The following ENOX1 variants were observed in gnomAD, a reference collection of about 807,000 sequenced individuals.
ENOX1 encodes the protein candidate growth-related and time keeping constitutive hydroquinone (NADH) oxidase.
A neutral mutation model predicts 82.5 loss-of-function variants in ENOX1; 42 were observed. The ratio of observed to expected loss-of-function variants is 0.51; its 90% CI spans 0.40 to 0.66. The LOEUF is 0.66. Ranked by LOEUF, ENOX1 falls within the 30% of genes least tolerant of loss-of-function variation. ENOX1 has a pLI of 0.00. For missense variants in ENOX1, 608 were observed against 811.6 expected (o/e 0.75, Z 3.05); for synonymous variants, 271 against 282.2 (o/e 0.96, Z 0.40).
intron 5 of ENOX1, among the ~76,000 whole-genome samples, chr13:43,380,156 A>G (rs1566078223): frequency 6.6e-6 from 1 of 151,916 alleles, no homozygotes; most frequent in African/African-American, 2.4e-5. Context: ...TACTATAAGA[A>G]ATATTAAAAA....
chr13:43,230,674 G>A (rs751835388), intron 15 of ENOX1, among the ~76,000 whole-genome samples: 72 of 152,074 alleles, frequency 4.7e-4, no homozygotes, highest in Non-Finnish European at 7.9e-4. Context: ...ATTACCCGGT[G>A]GATGAAATGC....
chr13:43,383,359 G>A (rs879700924), intron 5 of ENOX1, among the ~76,000 whole-genome samples: 4 of 152,046 alleles, frequency 2.6e-5, no homozygotes, highest in Admixed American at 6.6e-5. Context: ...TCAACTTCAC[G>A]GTAATAATGA....
At chr13:43,321,978 A>C (rs999708755) in intron 11 of ENOX1, among the ~76,000 whole-genome samples, 2 of 152,216 alleles carry the variant, frequency 1.3e-5, no homozygotes, top group African/African-American at 4.8e-5. Context: ...TGGGAAAAGA[A>C]GTCTAATTCT....
chr13:43,673,493 T>C (rs2085364097), intron 1 of ENOX1, among the ~76,000 whole-genome samples: 1 of 152,230 alleles, frequency 6.6e-6, no homozygotes, highest in African/African-American at 2.4e-5. Flanking sequence ...CAGTCGTTCA[T>C]GAATAAAGCC....
At chr13:43,576,078 A>G (rs965676225) in intron 2 of ENOX1, among the ~76,000 whole-genome samples, 1 of 152,244 alleles carries the variant, frequency 6.6e-6, no homozygotes, top group African/African-American at 2.4e-5. Context: ...ACAACTCAGG[A>G]AGAAATGTTA....
chr13:43,644,100 A>C (rs949304079), intron 2 of ENOX1, among the ~76,000 whole-genome samples: 1 of 152,204 alleles, frequency 6.6e-6, no homozygotes, highest in Admixed American at 6.5e-5. Flanking sequence ...GTTTTAAAAT[A>C]TTCAGTTCCC....
At chr13:43,409,828 A>G (rs2153597601) in intron 5 of ENOX1, among the ~76,000 whole-genome samples, 1 of 152,354 alleles carries the variant, frequency 6.6e-6, no homozygotes, top group Non-Finnish European at 1.5e-5. Flanking sequence ...AAAATAAATA[A>G]GCACTAACCA....
At chr13:43,734,089 C>T (rs2089485158) in intron 1 of ENOX1, among the ~76,000 whole-genome samples, 1 of 152,196 alleles carries the variant, frequency 6.6e-6, no homozygotes, top group African/African-American at 2.4e-5. Context: ...TCGGACAAAA[C>T]ACCAGAAACA....
chr13:43,682,639 C>T (rs1172846672), intron 1 of ENOX1, among the ~76,000 whole-genome samples: 2 of 152,026 alleles, frequency 1.3e-5, no homozygotes, highest in African/African-American at 4.8e-5. Context: ...AAATTAAACA[C>T]TCAAAGCTCA....
chr13:43,461,591 A>G (rs1040313052), intron 3 of ENOX1, among the ~76,000 whole-genome samples: 1 of 152,220 alleles, frequency 6.6e-6, no homozygotes, highest in Non-Finnish European at 1.5e-5. Context: ...CCCACCGCCA[A>G]CCAAGGAGGA....
chr13:43,459,461 A>C (rs567693016), intron 3 of ENOX1: 2 of 152,244 alleles, frequency 1.3e-5, no homozygotes, highest in African/African-American at 2.4e-5. Flanking sequence ...TGCTATCATT[A>C]TACAATAAAC....
intron 2 of ENOX1, among the ~76,000 whole-genome samples, chr13:43,637,036 T>C (rs1398571507): frequency 6.6e-5 from 10 of 152,126 alleles, no homozygotes; most frequent in Non-Finnish European, 1.3e-4. Flanking sequence ...TCAGGATTGG[T>C]GAGATGACAG....
chr13:43,315,275 G>C (rs1008916186), intron 11 of ENOX1, among the ~76,000 whole-genome samples: 2 of 152,152 alleles, frequency 1.3e-5, no homozygotes, highest in African/African-American at 4.8e-5. Context: ...CATGCTGCTA[G>C]AGCGCAATGA....
At position 43,304,900 on chromosome 13, in the gene ENOX1, T is replaced by G. The variant is rs192770705; in HGVS notation, c.1262-6370A>C. 2.2e-3 allele frequency among the ~76,000 whole-genome samples: 334 copies of G among 152,352 alleles called. 1 individual carries two copies. Among genetic ancestry groups the G allele is most frequent in the African/African-American group, 7.5e-3 (313 of 41,578 alleles). Reference sequence around the variant, plus strand: ...TATGAGACTATTCACCCCATCCATCTGAACTCACCTATGTTTGATTTTTAA... The same window carrying G: ...TATGAGACTATTCACCCCATCCATCGGAACTCACCTATGTTTGATTTTTAA... On this transcript the variant is annotated intron_variant, in intron 11 of 16. Transcript: ENST00000690772.
intron 1 of ENOX1, among the ~76,000 whole-genome samples, chr13:43,745,405 G>A (rs576988478): frequency 5.5e-4 from 83 of 152,050 alleles, no homozygotes; most frequent in Non-Finnish European, 8.2e-4. Context: ...GCCAAAAACT[G>A]GAAGGGAATA....
intron 15 of ENOX1, among the ~76,000 whole-genome samples, chr13:43,227,185 G>A (rs183432780): frequency 4.9e-4 from 74 of 152,194 alleles, no homozygotes; most frequent in Middle Eastern, 3.4e-3. Flanking sequence ...TGTTGACATG[G>A]GTCATTTAGG....
intron 11 of ENOX1, among the ~76,000 whole-genome samples, chr13:43,312,306 A>C: frequency 6.6e-6 from 1 of 152,222 alleles, no homozygotes. Context: ...GGCACATCTC[A>C]TAAAGAAAAG....
chr13:43,611,888 C>T (rs762909124), intron 2 of ENOX1, among the ~76,000 whole-genome samples: 9 of 152,184 alleles, frequency 5.9e-5, no homozygotes, highest in African/African-American at 9.6e-5. Context: ...TTCTAGCCTG[C>T]TAATGCACTG....
At chr13:43,771,034 C>T (rs1356815010) in intron 1 of ENOX1, among the ~76,000 whole-genome samples, 2 of 152,058 alleles carry the variant, frequency 1.3e-5, no homozygotes, top group Admixed American at 6.6e-5. Flanking sequence ...AGCAATGAAA[C>T]CCCTTTCAGA....
Sources: allele counts gnomAD v4.1 joint callset (sites outside exome capture counted in the v4.1 genomes callset), GRCh38; gene constraint gnomAD v4.1.1; transcripts MANE v1.5; gene names NCBI Gene and HGNC (gene_info 2026-07-23, HGNC 2026-07-21).